The following RNF144B variants were observed in gnomAD, a reference collection of about 807,000 sequenced individuals.
RNF144B encodes E3 ubiquitin-protein ligase RNF144B.
A neutral mutation model predicts 40.2 loss-of-function variants in RNF144B; 25 were observed. The observed-to-expected ratio is 0.62, with a 90% CI of 0.45 to 0.87. The LOEUF is 0.87. Ranked by LOEUF, RNF144B falls within the 40% of genes least tolerant of loss-of-function variation. RNF144B has a pLI of 0.00. For synonymous variants in RNF144B, 145 were observed against 136.3 expected (o/e 1.06, Z -0.44); for missense variants, 365 against 373.7 (o/e 0.98, Z 0.19).
At position 18,448,754 on chromosome 6, in the gene RNF144B, A is replaced by C. The variant is rs929576004; in HGVS notation, c.332-8401A>C. ...GATAGAACCAGCAAAAGTTTCATGA[A>C]ACTAATGTGAGATGCACCCTACTTT... On this transcript the variant is annotated intron_variant, in intron 4 of 7. Transcript: ENST00000259939. The surrounding 1 kb of genome is among the most constrained non-coding windows in gnomAD (Gnocchi z 4.0). Among the ~76,000 whole-genome samples the C allele has an allele frequency of 6.6e-6, 1 of 151,786 alleles. No homozygotes were observed. Among genetic ancestry groups the C allele is most frequent in the Non-Finnish European group, 1.5e-5 (1 of 67,954 alleles).
rs1169259312 is a variant in RNF144B, at chr6:18,402,186, C to T, written c.165+2487C>T. The T allele has an allele frequency of 2.3e-5, 2 of 87,758 alleles. 1 individual carries two copies. The highest frequency in any genetic ancestry group is 6.7e-5 in the African/African-American group (2 of 29,830). The allele number at this position is 87,758 out of a possible 1,614,324, so 5.4% of individuals were successfully genotyped here. ...TTTGTTGTTGTTTCCAAGATCACCA[C>T]ACTCCAATTCCAACTCTACCCCAAC... On this transcript the variant is annotated intron_variant, in intron 2 of 7. Transcript: ENST00000259939.
rs1449034944 is a variant in RNF144B, at chr6:18,418,564, A to G, written c.166-9017A>G. 3.3e-5 allele frequency among the ~76,000 whole-genome samples: 5 copies of G among 152,184 alleles called. 1 individual carries two copies. The highest frequency in any genetic ancestry group is 3.3e-4 in the Admixed American group (5 of 15,260). On this transcript the variant is annotated intron_variant, in intron 2 of 7. Transcript: ENST00000259939. This position sits in a 1 kb window ranked among gnomAD's most constrained non-coding sequence, Gnocchi z 5.2. ...AAATGGTGGTTCCCTAGGGCTGTGC[A>G]TGGAGGATCTGGGGGAGAAATGGGG...
intron 2 of RNF144B, among the ~76,000 whole-genome samples, chr6:18,421,765 C>T (rs1048325382): frequency 1.8e-4 from 28 of 152,056 alleles, no homozygotes; most frequent in East Asian, 5.8e-4. Context: ...AAATACAGTG[C>T]GAGCTGGGCC....
chr6:18,440,941 G>A (rs981520540), intron 4 of RNF144B, among the ~76,000 whole-genome samples: 2 of 151,792 alleles, frequency 1.3e-5, no homozygotes, highest in Non-Finnish European at 2.9e-5. Context: ...TGGTGGGTAC[G>A]TTTTTGCTCT....
intron 3 of RNF144B, among the ~76,000 whole-genome samples, chr6:18,431,041 G>C (rs1376551370): frequency 1.3e-5 from 2 of 151,972 alleles, no homozygotes; most frequent in East Asian, 3.9e-4. Context: ...AGGAGATCGA[G>C]ACCATCCGGG....
At chr6:18,411,608 A>T (rs1272496391) in intron 2 of RNF144B, among the ~76,000 whole-genome samples, 2 of 143,084 alleles carry the variant, frequency 1.4e-5, no homozygotes, top group Admixed American at 7.3e-5. Context: ...GGTTCAAGTG[A>T]TTCTTCTGCC....
In RNF144B at chr6:18,447,488, G is replaced by A. The variant is rs893613294; in HGVS notation, c.331+7744G>A. 4.6e-5 allele frequency among the ~76,000 whole-genome samples: 7 copies of A among 152,156 alleles called. No individual in the cohort carries two copies. Among genetic ancestry groups the A allele is most frequent in the Admixed American group, 6.5e-5 (1 of 15,278 alleles). ...GGAGGGTTTGGATCAGGGGAATGTCGTGAAATGATTTCCATTTTAGAAGAT... is the reference window on the plus strand; with the variant it reads ...GGAGGGTTTGGATCAGGGGAATGTCATGAAATGATTTCCATTTTAGAAGAT... On this transcript the variant is annotated intron_variant, in intron 4 of 7. Coordinates refer to ENST00000259939, the MANE Select transcript of RNF144B (RefSeq NM_182757.4). The surrounding 1 kb of genome is among the most constrained non-coding windows in gnomAD (Gnocchi z 5.6).
rs114118101 is a variant in RNF144B at position 18,393,241 on chromosome 6, A to G, written c.-37+5611A>G. Among the ~76,000 whole-genome samples the G allele has an allele frequency of 2.9e-3, 445 of 152,294 alleles. 2 individuals are homozygous for G. The highest frequency in any genetic ancestry group is 0.01 in the African/African-American group (429 of 41,566). ...CATGTCCTCTTAGGTTAGGGCATGC[A>G]TTAGAACTGTTTTTCTGATTGAAAG... On this transcript the variant is annotated intron_variant, in intron 1 of 7. Transcript: ENST00000259939.
intron 1 of RNF144B, among the ~76,000 whole-genome samples, chr6:18,393,247 A>G (rs537255136): frequency 6.6e-6 from 1 of 152,332 alleles, no homozygotes; most frequent in East Asian, 1.9e-4. Context: ...ATGCATTAGA[A>G]CTGTTTTTCT....
chr6:18,457,232 C>G lies in RNF144B; in HGVS notation c.409C>G (p.Pro137Ala), dbSNP rs745898014. 8.1e-6 allele frequency: 13 copies of G among 1,613,914 alleles called. No individual in the cohort carries two copies. In the African/African-American group the frequency reaches 1.7e-4, roughly 22 times the overall value. ...QTVCPVASSDPGQPVLVECPS... is the reference protein window; with the variant it reads ...QTVCPVASSDAGQPVLVECPS... ...AGTGTGCCCTGTTGCCTCGAGTGAC[C>G]CAGGACAGCCTGTGCTGGTGGAATG... Residue 137 changes from proline to alanine, a missense_variant, in exon 5 of 8, where the codon CCA becomes GCA. Transcript: ENST00000259939. This position sits in a 1 kb window ranked among gnomAD's most constrained non-coding sequence, Gnocchi z 5.1.
chr6:18,459,820 A>C lies in RNF144B; in HGVS notation c.681+69A>C, dbSNP rs1460235548. On this transcript the variant is annotated intron_variant, in intron 6 of 7. Coordinates refer to ENST00000259939, the MANE Select transcript of RNF144B (RefSeq NM_182757.4). This position sits in a 1 kb window ranked among gnomAD's most constrained non-coding sequence, Gnocchi z 4.2. ...ATCTGCACCACAGCTGATATCCTAC[A>C]GATTTTCCTTTAAAATATTGGGGCA... 1 of 1,414,236 alleles carries C rather than the reference A, an allele frequency of 7.1e-7. No homozygotes were observed. Among genetic ancestry groups the C allele is most frequent in the African/African-American group, 1.4e-5 (1 of 69,686 alleles). The allele number at this position is 1,414,236 out of a possible 1,614,324, so 87.6% of individuals were successfully genotyped here.
At chr6:18,452,219 C>T (rs1005215243) in intron 4 of RNF144B, among the ~76,000 whole-genome samples, 2 of 152,132 alleles carry the variant, frequency 1.3e-5, no homozygotes, top group African/African-American at 4.8e-5. Context: ...GGTGGGCATC[C>T]CCTCACTGTT....
chr6:18,427,442 C>T (rs1758582184), intron 2 of RNF144B, 139 bp from the exon 3 acceptor site: 2 of 565,008 alleles, frequency 3.5e-6, no homozygotes, highest in East Asian at 2.9e-5. Flanking sequence ...AGTATTCACA[C>T]TTGTGATAAC....
At chr6:18,391,604 A>G (rs1300051288) in intron 1 of RNF144B, among the ~76,000 whole-genome samples, 2 of 152,206 alleles carry the variant, frequency 1.3e-5, no homozygotes, top group African/African-American at 4.8e-5. Flanking sequence ...GCGGTGGCTC[A>G]TGCCTGTAAT....
intron 4 of RNF144B, among the ~76,000 whole-genome samples, chr6:18,452,230 T>G (rs183929676): frequency 2.0e-5 from 3 of 152,148 alleles, no homozygotes; most frequent in African/African-American, 4.8e-5. Context: ...CCTCACTGTT[T>G]CAGGTAAGTT....
intron 3 of RNF144B, among the ~76,000 whole-genome samples, chr6:18,435,837 C>A (rs13209529): frequency 0.13 from 18,741 of 145,440 alleles, 1,334 homozygotes; most frequent in Admixed American, 0.2. Flanking sequence ...ACACATGGAC[C>A]CAGGAAAGGG....
intron 6 of RNF144B, among the ~76,000 whole-genome samples, chr6:18,461,385 T>A (rs1582450675): frequency 1.3e-5 from 2 of 152,236 alleles, no homozygotes; most frequent in East Asian, 1.9e-4. Flanking sequence ...ACATTACACA[T>A]GCATTACAAA....
chr6:18,402,860 G>A lies in RNF144B; in HGVS notation c.165+3161G>A, dbSNP rs189730786. ...TGGTTTCTGCTAGACTGTTTGCTCAGTTTTAATATGCAGAATAAAGTGTAA... is the reference window on the plus strand; with the variant it reads ...TGGTTTCTGCTAGACTGTTTGCTCAATTTTAATATGCAGAATAAAGTGTAA... On this transcript the variant is annotated intron_variant, in intron 2 of 7. Coordinates refer to ENST00000259939, the MANE Select transcript of RNF144B (RefSeq NM_182757.4). Among the ~76,000 whole-genome samples, 35 of 152,324 alleles carry A rather than the reference G, an allele frequency of 2.3e-4. 1 individual carries two copies. Among genetic ancestry groups the A allele is most frequent in the Admixed American group, 1.8e-3 (28 of 15,308 alleles).
rs73377666 is a variant in RNF144B at position 18,440,980 on chromosome 6, T to G, written c.331+1236T>G. ...TCCAGATGTGAAGTAGGAAATAGTT[T>G]ATAATGTTGAACATGGAATCAGAAC... On this transcript the variant is annotated intron_variant, in intron 4 of 7. Coordinates refer to ENST00000259939, the MANE Select transcript of RNF144B (RefSeq NM_182757.4). Among the ~76,000 whole-genome samples the G allele has an allele frequency of 4.7e-3, 719 of 152,200 alleles. 9 individuals are homozygous for G. The highest frequency in any genetic ancestry group is 0.016 in the African/African-American group (673 of 41,534).
Sources: gnomAD v4.1 joint callset for allele counts (sites outside exome capture counted in the v4.1 genomes callset) on GRCh38, gnomAD v4.1.1 for gene constraint, Gnocchi (gnomAD v3.1) non-coding constraint, MANE v1.5 for transcripts, NCBI Gene and HGNC (gene_info 2026-07-23, HGNC 2026-07-21) for gene names.